The following ZBED5 variants were observed in gnomAD, a reference collection of about 807,000 sequenced individuals.
The protein encoded by ZBED5 is zinc finger BED-type containing 5.
In ZBED5, 29 loss-of-function variants were observed where a neutral mutation model predicts 49.2. The observed-to-expected ratio is 0.59, with a 90% CI of 0.44 to 0.80. The LOEUF (loss-of-function observed/expected upper bound fraction) is 0.80, where lower values mean the gene tolerates loss of function less well. ZBED5 is among the 30% of genes least tolerant of loss of function. The pLI is 0.00. For missense variants in ZBED5, 775 were observed against 812.9 expected (o/e 0.95, Z 0.57); for synonymous variants, 281 against 292.5 (o/e 0.96, Z 0.40).
chr11:10,857,262 A>G lies in ZBED5; in HGVS notation c.-256+600T>C, dbSNP rs1164979458. 2.6e-5 allele frequency: 4 copies of G among 152,220 alleles called. No individual in the cohort carries two copies. Among genetic ancestry groups the G allele is most frequent in the Non-Finnish European group, 5.9e-5 (4 of 68,064 alleles). 9.4% of individuals were successfully genotyped at this position (152,220 alleles called of 1,614,324 possible). A position where few individuals can be genotyped will look rare whatever the true frequency, so the allele number is the denominator to read the frequency against. ...TTCCCCGAATTTCTCGAGGACAAAG[A>G]ATCTGGACTCCTTTGAGAGTAAAGT... On this transcript the variant is annotated intron_variant, in intron 1 of 2. Transcript: ENST00000413761. The surrounding 1 kb of genome is among the most constrained non-coding windows in gnomAD (Gnocchi z 6.3).
rs1277669997 is a variant in ZBED5, at chr11:10,854,010, T to C, written c.936A>G (p.Gln312=). ...ATATTTCTTCACCGGTAGCATTACT[T>C]TGCAAAGATTCACACAGGAGTAGGT... ...EEDLLLCESL[Q]SNATGEEIFN... The change falls in exon 3 of 3, where the codon CAA becomes CAG. Residue 312 remains glutamine, a synonymous_variant. Coordinates refer to ENST00000413761, the MANE Select transcript of ZBED5 (RefSeq NM_001143667.2). This position sits in a 1 kb window ranked among gnomAD's most constrained non-coding sequence, Gnocchi z 5.0. 5 of 1,551,396 alleles carry C rather than the reference T, an allele frequency of 3.2e-6. No individual in the cohort carries two copies. The African/African-American group carries it at 5.5e-5, about 17-fold the overall frequency.
At position 10,853,429 on chromosome 11, in the gene ZBED5, G is replaced by T; in HGVS notation, c.1517C>A (p.Ser506Ter). 6.5e-7 allele frequency: 1 copy of T among 1,549,674 alleles called. No homozygotes were observed. Among genetic ancestry groups the T allele is most frequent in the South Asian group, 1.2e-5 (1 of 83,802 alleles). ...VTVFTVFDKM[S>*]SLLRKLEFWA... ...AAATTCCAATTTTCTTAACAATGAC[G>T]ACATTTTATCAAATACTGTAAAAAC... is the stretch of plus-strand genomic sequence containing the variant. Residue 506 changes from serine (S) to a stop codon, truncating the protein, a stop_gained, in exon 3 of 3, where the codon TCG becomes TAG. Coordinates refer to ENST00000413761, the MANE Select transcript of ZBED5 (RefSeq NM_001143667.2). LOFTEE classifies it high-confidence loss of function. This position sits in a 1 kb window ranked among gnomAD's most constrained non-coding sequence, Gnocchi z 5.4.
Position 10,853,592 on chromosome 11 carries a change from A to G in ZBED5, c.1354T>C (p.Leu452=). Residue 452 remains leucine, a synonymous_variant, in exon 3 of 3, where the codon TTG becomes CTG. Transcript: ENST00000413761. This position sits in a 1 kb window ranked among gnomAD's most constrained non-coding sequence, Gnocchi z 5.4. Reference sequence around the variant, plus strand: ...CGAAAAGCAGAATCCATGAAAACCAAAAGTTCACGACGAAGTTCAAAAAGT... The same window carrying G: ...CGAAAAGCAGAATCCATGAAAACCAGAAGTTCACGACGAAGTTCAAAAAGT... ...VRLFELRREL[L]VFMDSAFRLS... is the part of the protein sequence containing the mutation. 1 of 1,550,948 alleles carries G rather than the reference A, an allele frequency of 6.4e-7. No homozygotes were observed. Among genetic ancestry groups the G allele is most frequent in the Non-Finnish European group, 8.7e-7 (1 of 1,146,746 alleles).
At position 10,855,051 on chromosome 11, in the gene ZBED5, C is replaced by T. The variant is rs1019524071; in HGVS notation, c.-106G>A. On this transcript the variant is annotated 5_prime_UTR_variant, in exon 3 of 3. Transcript: ENST00000413761. The surrounding 1 kb of genome is among the most constrained non-coding windows in gnomAD (Gnocchi z 4.1). ...TTCATGTATCAGGTGATCTCTCATGCGACTTCCTGGTGCTCTCAGGTATGG... is the reference window on the plus strand; with the variant it reads ...TTCATGTATCAGGTGATCTCTCATGTGACTTCCTGGTGCTCTCAGGTATGG... 3.4e-5 allele frequency: 47 copies of T among 1,366,966 alleles called. No individual in the cohort carries two copies. In the East Asian group the frequency reaches 5.0e-4, roughly 15 times the overall value. 84.7% of individuals were successfully genotyped at this position (1,366,966 alleles called of 1,614,324 possible).
chr11:10,853,483 T>C lies in ZBED5; in HGVS notation c.1463A>G (p.Asn488Ser). 6.4e-7 allele frequency: 1 copy of C among 1,550,934 alleles called. No individual in the cohort carries two copies. Among genetic ancestry groups the C allele is most frequent in the Non-Finnish European group, 8.7e-7 (1 of 1,146,616 alleles). Residue 488 changes from asparagine (N) to serine (S), a missense_variant, in exon 3 of 3, where the codon AAT (asparagine) becomes AGT (serine). By Grantham distance (46) the Asn-to-Ser change is conservative. Transcript: ENST00000413761. The surrounding 1 kb of genome is among the most constrained non-coding windows in gnomAD (Gnocchi z 5.4). Reference protein sequence around the residue: ...ADIFTKLNEVNLSMQGKNVTV... With the variant: ...ADIFTKLNEVSLSMQGKNVTV... ...CACATTTTTTCCTTGCATTGACAAA[T>C]TAACTTCATTTAATTTAGTAAAAAT...
Position 10,852,875 on chromosome 11 carries a change from A to AG in ZBED5, c.2070dup (p.Cys691LeufsTer45). On this transcript the variant is annotated frameshift_variant, in exon 3 of 3. Transcript: ENST00000413761. LOFTEE classifies it high-confidence loss of function. Reference sequence around the variant, plus strand: ...AAACTCCTCCAATTTTAATGAGAACAGTGTTTTTGTGTCTTTTTATCACAT... The same window carrying AG: ...AAACTCCTCCAATTTTAATGAGAACAGGTGTTTTTGTGTCTTTTTATCACAT... 2 of 1,532,076 alleles carry AG rather than the reference A, an allele frequency of 1.3e-6. No individual in the cohort carries two copies. Among genetic ancestry groups the AG allele is most frequent in the Non-Finnish European group, 1.8e-6 (2 of 1,131,930 alleles). The allele number at this position is 1,532,076 out of a possible 1,614,324, so 94.9% of individuals were successfully genotyped here. A position where few individuals can be genotyped will look rare whatever the true frequency, so the allele number is the denominator to read the frequency against.
rs1848159823 is a variant in ZBED5, at chr11:10,854,887, TTGAG to T, written c.55_58del (p.Leu19MetfsTer6). 6.4e-7 allele frequency: 1 copy of T among 1,551,544 alleles called. No individual in the cohort carries two copies. The highest frequency in any genetic ancestry group is 2.0e-5 in the Admixed American group (1 of 50,974). ...AAACATGGTTAATTTAGAATAGACATTGAGTATCGCAAATGTGTTGAAATTATAA... is the reference window on the plus strand; with the variant it reads ...AAACATGGTTAATTTAGAATAGACATTATCGCAAATGTGTTGAAATTATAA... On this transcript the variant is annotated frameshift_variant, in exon 3 of 3. Transcript: ENST00000413761. LOFTEE classifies it high-confidence loss of function. The surrounding 1 kb of genome is among the most constrained non-coding windows in gnomAD (Gnocchi z 5.0).
chr11:10,857,194 G>C lies in ZBED5; in HGVS notation c.-256+668C>G, dbSNP rs1339783125. The C allele has an allele frequency of 6.6e-6, 1 of 152,180 alleles. No homozygotes were observed. Among genetic ancestry groups the C allele is most frequent in the Non-Finnish European group, 1.5e-5 (1 of 68,022 alleles). The allele number at this position is 152,180 out of a possible 1,614,324, so 9.4% of individuals were successfully genotyped here. A position where few individuals can be genotyped will look rare whatever the true frequency, so the allele number is the denominator to read the frequency against. On this transcript the variant is annotated intron_variant, in intron 1 of 2. Coordinates refer to ENST00000413761, the MANE Select transcript of ZBED5 (RefSeq NM_001143667.2). This position sits in a 1 kb window ranked among gnomAD's most constrained non-coding sequence, Gnocchi z 6.3. ...GGACACAGAAGAGTAGGAAGCTTTTGTTTTCAGAAAGAAGGTCCTCAACCC... is the reference window on the plus strand; with the variant it reads ...GGACACAGAAGAGTAGGAAGCTTTTCTTTTCAGAAAGAAGGTCCTCAACCC...
rs911640902 is a variant in ZBED5 at position 10,857,677 on chromosome 11, C to G, written c.-256+185G>C. The G allele has an allele frequency of 2.0e-5, 3 of 152,432 alleles. No individual in the cohort carries two copies. The highest frequency in any genetic ancestry group is 7.2e-5 in the African/African-American group (3 of 41,462). 9.4% of individuals were successfully genotyped at this position (152,432 alleles called of 1,614,324 possible). ...CGCTAACGACCACATGAAAACGTCT[C>G]AGCACCCAACACCATCTCTCTATTT... is the stretch of plus-strand genomic sequence containing the variant. On this transcript the variant is annotated intron_variant, in intron 1 of 2. Transcript: ENST00000413761. This position sits in a 1 kb window ranked among gnomAD's most constrained non-coding sequence, Gnocchi z 6.3.
rs745708216 is a variant in ZBED5, at chr11:10,854,895, C to T, written c.51G>A (p.Ala17=). 31 of 1,551,286 alleles carry T rather than the reference C, an allele frequency of 2.0e-5. No homozygotes were observed. Among genetic ancestry groups the T allele is most frequent in the East Asian group, 2.0e-4 (8 of 40,904 alleles). Reference sequence around the variant, plus strand: ...TTAATTTAGAATAGACATTGAGTATCGCAAATGTGTTGAAATTATAAGACA... The same window carrying T: ...TTAATTTAGAATAGACATTGAGTATTGCAAATGTGTTGAAATTATAAGACA... The part of the protein sequence containing the change: ...CILSYNFNTF[A]ILNVYSKLTM... The change falls in exon 3 of 3, where the codon GCG becomes GCA. Residue 17 remains alanine (A), a synonymous_variant. Coordinates refer to ENST00000413761, the MANE Select transcript of ZBED5 (RefSeq NM_001143667.2). The surrounding 1 kb of genome is among the most constrained non-coding windows in gnomAD (Gnocchi z 5.0).
At position 10,854,227 on chromosome 11, in the gene ZBED5, G is replaced by GC. The variant is rs1848147444; in HGVS notation, c.718dup (p.Ala240GlyfsTer14). On this transcript the variant is annotated frameshift_variant, in exon 3 of 3. Coordinates refer to ENST00000413761, the MANE Select transcript of ZBED5 (RefSeq NM_001143667.2). LOFTEE classifies it high-confidence loss of function. This position sits in a 1 kb window ranked among gnomAD's most constrained non-coding sequence, Gnocchi z 5.0. ...AACAGTACTGTTTGATAGCTGTACT[G>GC]CATCTATTTTTTTACTATATTGTTC... is the stretch of plus-strand genomic sequence containing the variant. 2 of 1,550,834 alleles carry GC rather than the reference G, an allele frequency of 1.3e-6. No individual in the cohort carries two copies. The highest frequency in any genetic ancestry group is 1.7e-6 in the Non-Finnish European group (2 of 1,146,526).
Position 10,853,088 on chromosome 11 carries a change from G to A in ZBED5, c.1858C>T (p.Leu620=), listed in dbSNP as rs1345434056. Reference sequence around the variant, plus strand: ...GCAATGCTTGGGTATTCCTGAATTAGGCTACTCCAAAAATCATTTAGTGAA... The same window carrying A: ...GCAATGCTTGGGTATTCCTGAATTAAGCTACTCCAAAAATCATTTAGTGAA... ...ELSLNDFWSS[L]IQEYPSIARR... is the part of the protein sequence containing the mutation. Residue 620 remains leucine, a synonymous_variant, in exon 3 of 3, where the codon CTA becomes TTA. Transcript: ENST00000413761. The surrounding 1 kb of genome is among the most constrained non-coding windows in gnomAD (Gnocchi z 5.4). 1.9e-6 allele frequency: 3 copies of A among 1,551,560 alleles called. No homozygotes were observed. In the South Asian group the frequency reaches 3.6e-5, roughly 18 times the overall value.
At position 10,853,178 on chromosome 11, in the gene ZBED5, G is replaced by A. The variant is rs913704250; in HGVS notation, c.1768C>T (p.Arg590Trp). Residue 590 changes from arginine to tryptophan, a missense_variant, in exon 3 of 3, where the codon CGG (arginine) becomes TGG (tryptophan). Coordinates refer to ENST00000413761, the MANE Select transcript of ZBED5 (RefSeq NM_001143667.2). The surrounding 1 kb of genome is among the most constrained non-coding windows in gnomAD (Gnocchi z 5.4). The part of the protein sequence containing the change: ...VTVKPASLVA[R>W]DYESLIDLTS... ...AAATCAATCAGGCTCTCATAGTCCCGTGCTACTAATGAAGCTGGTTTAACA... is the reference window on the plus strand; with the variant it reads ...AAATCAATCAGGCTCTCATAGTCCCATGCTACTAATGAAGCTGGTTTAACA... The A allele has an allele frequency of 1.2e-5, 18 of 1,551,604 alleles. No individual in the cohort carries two copies. The highest frequency in any genetic ancestry group is 9.8e-5 in the East Asian group (4 of 40,928).
Position 10,853,150 on chromosome 11 carries a change from G to A in ZBED5, c.1796C>T (p.Thr599Ile). 6.4e-7 allele frequency: 1 copy of A among 1,551,628 alleles called. No individual in the cohort carries two copies. Among genetic ancestry groups the A allele is most frequent in the Non-Finnish European group, 8.7e-7 (1 of 1,146,962 alleles). Reference sequence around the variant, plus strand: ...ATTTTGCTTCACTTGAGAATCAGATGTTAAATCAATCAGGCTCTCATAGTC... The same window carrying A: ...ATTTTGCTTCACTTGAGAATCAGATATTAAATCAATCAGGCTCTCATAGTC... ...ARDYESLIDLTSDSQVKQNFS... is the reference protein window; with the variant it reads ...ARDYESLIDLISDSQVKQNFS... The change falls in exon 3 of 3, where the codon ACA becomes ATA. Residue 599 changes from threonine to isoleucine, a missense_variant. Coordinates refer to ENST00000413761, the MANE Select transcript of ZBED5 (RefSeq NM_001143667.2). The surrounding 1 kb of genome is among the most constrained non-coding windows in gnomAD (Gnocchi z 5.4).
rs1444899156 is a variant in ZBED5 at position 10,854,763 on chromosome 11, A to T, written c.183T>A (p.Asn61Lys). The T allele has an allele frequency of 6.4e-7, 1 of 1,551,806 alleles. No homozygotes were observed. Among genetic ancestry groups the T allele is most frequent in the African/African-American group, 1.4e-5 (1 of 73,054 alleles). The change falls in exon 3 of 3, where the codon AAT (asparagine) becomes AAA (lysine). Residue 61 changes from asparagine (N) to lysine (K), a missense_variant. Coordinates refer to ENST00000413761, the MANE Select transcript of ZBED5 (RefSeq NM_001143667.2). The surrounding 1 kb of genome is among the most constrained non-coding windows in gnomAD (Gnocchi z 5.0). ...SFCYQIVSES[N>K]DQKVGILQSE... The stretch of plus-strand genomic sequence containing the variant: ...TTTGTAATATTCCAACCTTCTGATC[A>T]TTTGATTCAGACACAATCTGATAAC...
chr11:10,855,930 TAATAA>T lies in ZBED5; in HGVS notation c.-142+209_-142+213del, dbSNP rs1176786168. ...TCATTTAAGAGGTTTATTTCTCATA[TAATAA>T]AACAAATCAAAATTAAAAGGATAAT... On this transcript the variant is annotated intron_variant, in intron 2 of 2. Coordinates refer to ENST00000413761, the MANE Select transcript of ZBED5 (RefSeq NM_001143667.2). This position sits in a 1 kb window ranked among gnomAD's most constrained non-coding sequence, Gnocchi z 4.1. 6.6e-6 allele frequency: 1 copy of T among 152,002 alleles called. No homozygotes were observed. Among genetic ancestry groups the T allele is most frequent in the African/African-American group, 2.4e-5 (1 of 41,380 alleles). The allele number at this position is 152,002 out of a possible 1,614,324, so 9.4% of individuals were successfully genotyped here.
Position 10,854,878 on chromosome 11 carries a change from G to C in ZBED5, c.68C>G (p.Ser23Cys). The change falls in exon 3 of 3, where the codon TCT (serine) becomes TGT (cysteine). Residue 23 changes from serine (S) to cysteine (C), a missense_variant. Ser to Cys is a moderately radical substitution (Grantham distance 112, BLOSUM62 -1). Transcript: ENST00000413761. The surrounding 1 kb of genome is among the most constrained non-coding windows in gnomAD (Gnocchi z 5.0). ...TGTGGTACAAAACATGGTTAATTTA[G>C]AATAGACATTGAGTATCGCAAATGT... ...FNTFAILNVY[S>C]KLTMFCTTNS... 12 of 1,551,714 alleles carry C rather than the reference G, an allele frequency of 7.7e-6. No homozygotes were observed. The highest frequency in any genetic ancestry group is 1.0e-5 in the Non-Finnish European group (12 of 1,146,926).
chr11:10,854,378 T>C lies in ZBED5; in HGVS notation c.568A>G (p.Asn190Asp), dbSNP rs1848150754. ...PPTPKIVNTD[N>D]ESATEASYNV... is the part of the protein sequence containing the mutation. ...TATGATGCTTCTGTAGCACTTTCAT[T>C]ATCTGTATTCACAATTTTAGGTGTT... Residue 190 changes from asparagine to aspartate, a missense_variant, in exon 3 of 3, where the codon AAT (asparagine) becomes GAT (aspartate). By Grantham distance (23) the Asn-to-Asp change is conservative. Transcript: ENST00000413761. The surrounding 1 kb of genome is among the most constrained non-coding windows in gnomAD (Gnocchi z 5.0). 4 of 1,551,112 alleles carry C rather than the reference T, an allele frequency of 2.6e-6. No homozygotes were observed. Among genetic ancestry groups the C allele is most frequent in the Non-Finnish European group, 3.5e-6 (4 of 1,146,932 alleles).
Position 10,858,008 on chromosome 11 carries a change from C to T in ZBED5, c.-402G>A. On this transcript the variant is annotated 5_prime_UTR_variant, in exon 1 of 3. Coordinates refer to ENST00000413761, the MANE Select transcript of ZBED5 (RefSeq NM_001143667.2). ...TCTCAGCTCAGGGATATCGCCTAGG[C>T]CATCTCCATAGAGATCCGATTCGCG... The T allele has an allele frequency of 3.6e-6, 1 of 278,242 alleles. No homozygotes were observed. Among genetic ancestry groups the T allele is most frequent in the Non-Finnish European group, 6.7e-6 (1 of 149,748 alleles). 17.2% of individuals were successfully genotyped at this position (278,242 alleles called of 1,614,324 possible).
Sources: gnomAD v4.1 joint callset for allele counts on GRCh38, gnomAD v4.1.1 for gene constraint, Gnocchi (gnomAD v3.1) non-coding constraint, MANE v1.5 for transcripts, NCBI Gene and HGNC (gene_info 2026-07-23, HGNC 2026-07-21) for gene names.